TRIM44: variants seen among roughly 807,000 people sequenced by gnomAD.
TRIM44 encodes tripartite motif-containing protein 44.
TRIM44 carries 13 observed loss-of-function variants against 37.4 expected under a neutral mutation model. The observed-to-expected ratio is 0.35, with a 90% confidence interval of 0.23 to 0.55. TRIM44 has a LOEUF of 0.55. Among genes scored for constraint, TRIM44 ranks in the 20% least tolerant of loss-of-function variants. The pLI is 0.89. For synonymous variants in TRIM44, 175 were observed against 157.2 expected, an observed-to-expected ratio of 1.11 and a Z score of -0.85; for missense variants, 426 against 437.2, an observed-to-expected ratio of 0.97 and a Z score of 0.23.
intron 2 of TRIM44, among the ~76,000 whole-genome samples, chr11:35,719,467 A>T (rs776590750): frequency 2.6e-5 from 4 of 152,070 alleles, no homozygotes; most frequent in Non-Finnish European, 5.9e-5. Flanking sequence ...ATAACAGTCC[A>T]TTATTAGATA....
intron 2 of TRIM44, among the ~76,000 whole-genome samples, chr11:35,699,577 A>T (rs1851755445): frequency 6.6e-6 from 1 of 152,024 alleles, no homozygotes; most frequent in Non-Finnish European, 1.5e-5. Flanking sequence ...ACTCCTATTC[A>T]ACATAGTGTT....
chr11:35,704,274 C>T (rs1015865401), intron 2 of TRIM44, among the ~76,000 whole-genome samples: 1 of 152,194 alleles, frequency 6.6e-6, no homozygotes, highest in Admixed American at 6.5e-5. Context: ...AAGACCAAAT[C>T]TACGTCTGAT....
At chr11:35,799,290 G>A (rs1219609645) in intron 4 of TRIM44, among the ~76,000 whole-genome samples, 1 of 152,258 alleles carries the variant, frequency 6.6e-6, no homozygotes, top group Non-Finnish European at 1.5e-5. Flanking sequence ...GGTACATGGA[G>A]ATCAATTCAA....
chr11:35,803,446 G>C (rs1268081675), intron 4 of TRIM44, among the ~76,000 whole-genome samples: 2 of 152,078 alleles, frequency 1.3e-5, no homozygotes, highest in African/African-American at 4.8e-5. Flanking sequence ...AAAATCTCAT[G>C]AACAGTCAGG....
intron 2 of TRIM44, among the ~76,000 whole-genome samples, chr11:35,691,062 A>T (rs1485788391): frequency 6.6e-6 from 1 of 152,116 alleles, no homozygotes; most frequent in African/African-American, 2.4e-5. Context: ...ACAGTCCCCC[A>T]CAGCTCCAGA....
At chr11:35,704,044 C>A (rs920890776) in intron 2 of TRIM44, among the ~76,000 whole-genome samples, 41 of 152,010 alleles carry the variant, frequency 2.7e-4, no homozygotes, top group Admixed American at 1.6e-3. Flanking sequence ...ACTAGAATAA[C>A]CAATACAGAG....
chr11:35,735,514 T>A, intron 4 of TRIM44, 69 bp downstream of exon 4: 1 of 1,480,738 alleles, frequency 6.8e-7, no homozygotes, highest in Non-Finnish European at 9.4e-7. Flanking sequence ...CTTTTAGTGC[T>A]CCATGAAATA....
chr11:35,691,486 T>G (rs1851635355), intron 2 of TRIM44, among the ~76,000 whole-genome samples: 1 of 152,222 alleles, frequency 6.6e-6, no homozygotes, highest in Admixed American at 6.5e-5. Flanking sequence ...ATGTCAAAAA[T>G]GCATTTAGTA....
In TRIM44 at chr11:35,807,425, C is replaced by T. The variant is rs1185227814; in HGVS notation, c.*1040C>T. 1.3e-5 allele frequency: 2 copies of T among 152,222 alleles called. No individual in the cohort carries two copies. The highest frequency in any genetic ancestry group is 1.5e-5 in the Non-Finnish European group (1 of 68,070). The allele number at this position is 152,222 out of a possible 1,614,324, so 9.4% of individuals were successfully genotyped here. ...ACCCTTCTTCCTGTGGCACTCCCCACCCATAGACCTTCAGATCATCTCCCA... is the reference window on the plus strand; with the variant it reads ...ACCCTTCTTCCTGTGGCACTCCCCATCCATAGACCTTCAGATCATCTCCCA... On this transcript the variant is annotated 3_prime_UTR_variant, in exon 5 of 5. Coordinates refer to ENST00000299413, the MANE Select transcript of TRIM44 (RefSeq NM_017583.6).
intron 1 of TRIM44, among the ~76,000 whole-genome samples, chr11:35,674,605 C>A (rs1458208390): frequency 6.6e-6 from 1 of 152,172 alleles, no homozygotes; most frequent in African/African-American, 2.4e-5. Flanking sequence ...TTAGCAAATA[C>A]ATTCATTATA....
intron 4 of TRIM44, among the ~76,000 whole-genome samples, chr11:35,753,663 A>T (rs185109006): frequency 1.1e-4 from 16 of 152,194 alleles, no homozygotes; most frequent in African/African-American, 3.9e-4. Flanking sequence ...AACGAGTAAC[A>T]CTGTTATTAC....
rs1040349804 is a variant in TRIM44, at chr11:35,814,269, C to T, written c.*7884C>T. The T allele has an allele frequency of 6.6e-5, 10 of 152,140 alleles. No homozygotes were observed. The highest frequency in any genetic ancestry group is 1.4e-4 in the African/African-American group (6 of 41,438). 9.4% of individuals were successfully genotyped at this position (152,140 alleles called of 1,614,324 possible). A position where few individuals can be genotyped will look rare whatever the true frequency, so the allele number is the denominator to read the frequency against. On this transcript the variant is annotated 3_prime_UTR_variant, in exon 5 of 5. Coordinates refer to ENST00000299413, the MANE Select transcript of TRIM44 (RefSeq NM_017583.6). Reference sequence around the variant, plus strand: ...AAACGTTATGTAGATATAATACCAGCGTGACAGCTTGTGGTTGGTGGTTTC... The same window carrying T: ...AAACGTTATGTAGATATAATACCAGTGTGACAGCTTGTGGTTGGTGGTTTC...
chr11:35,756,861 T>C (rs530642267), intron 4 of TRIM44, among the ~76,000 whole-genome samples: 2 of 152,330 alleles, frequency 1.3e-5, no homozygotes, highest in South Asian at 4.1e-4. Flanking sequence ...GAAGCCCACT[T>C]GATCATGGTG....
At chr11:35,764,502 A>G (rs181710167) in intron 4 of TRIM44, among the ~76,000 whole-genome samples, 52 of 152,310 alleles carry the variant, frequency 3.4e-4, no homozygotes, top group African/African-American at 1.1e-3. Flanking sequence ...TTGGGTCTCC[A>G]TTAGCAAAAG....
rs148535930 is a variant in TRIM44, at chr11:35,713,942, G to T, written c.748-11982G>T. ...AAGTAGACTGACCCTGAGATGTTGG[G>T]CAGTCAGATCTGATCAAATCAGAAA... On this transcript the variant is annotated intron_variant, in intron 2 of 4. Transcript: ENST00000299413. Among the ~76,000 whole-genome samples, 282 of 152,266 alleles carry T rather than the reference G, an allele frequency of 1.9e-3. 2 individuals carry two copies. Among genetic ancestry groups the T allele is most frequent in the African/African-American group, 6.5e-3 (271 of 41,568 alleles).
intron 4 of TRIM44, among the ~76,000 whole-genome samples, chr11:35,746,021 T>C (rs986667760): frequency 3.3e-5 from 5 of 152,204 alleles, no homozygotes; most frequent in African/African-American, 1.2e-4. Flanking sequence ...AAAAGCAACA[T>C]TGAAGCACCA....
At chr11:35,736,119 T>A (rs887345082) in intron 4 of TRIM44, among the ~76,000 whole-genome samples, 4 of 152,144 alleles carry the variant, frequency 2.6e-5, no homozygotes, top group African/African-American at 9.7e-5. Flanking sequence ...TGAGGAATAT[T>A]TGTACAAAGT....
chr11:35,765,028 A>G (rs991422438), intron 4 of TRIM44, among the ~76,000 whole-genome samples: 1 of 152,160 alleles, frequency 6.6e-6, no homozygotes, highest in Non-Finnish European at 1.5e-5. Flanking sequence ...TTCTGACATG[A>G]TATCGAAAGA....
intron 4 of TRIM44, among the ~76,000 whole-genome samples, chr11:35,801,746 A>G (rs1172708249): frequency 2.6e-5 from 4 of 152,198 alleles, no homozygotes; most frequent in Non-Finnish European, 5.9e-5. Flanking sequence ...CATTCTGCTT[A>G]CTGGAATGCC....
Sources: allele counts gnomAD v4.1 joint callset (sites outside exome capture counted in the v4.1 genomes callset), GRCh38; gene constraint gnomAD v4.1.1; transcripts MANE v1.5; gene names NCBI Gene and HGNC (gene_info 2026-07-23, HGNC 2026-07-21).